The following TTC7B variants were observed in gnomAD, a reference collection of about 807,000 sequenced individuals.
The protein encoded by TTC7B is tetratricopeptide repeat protein 7B.
A neutral mutation model predicts 106.8 loss-of-function variants in TTC7B; 28 were observed. That is an observed-to-expected ratio of 0.26 (90% CI 0.19 to 0.36). The LOEUF (loss-of-function observed/expected upper bound fraction) is 0.36. Among genes scored for constraint, TTC7B ranks in the 10% least tolerant of loss-of-function variants. The pLI is 1.00. For synonymous variants in TTC7B, 405 were observed against 430.6 expected (o/e 0.94, Z 0.74); for missense variants, 862 against 1,076.4 (o/e 0.80, Z 2.79).
At position 90,755,659 on chromosome 14, in the gene TTC7B, TAAAAAAAAC is replaced by T. The variant is rs1380985677; in HGVS notation, c.446-10746_446-10738del. ...GGGCAAAAGGGCAAGACCCTGTCAC[TAAAAAAAAC>T]AAAAAAACAAACAAACAAAAAAAAA... On this transcript the variant is annotated intron_variant, in intron 3 of 19. Coordinates refer to ENST00000328459, the MANE Select transcript of TTC7B (RefSeq NM_001010854.2). Among the ~76,000 whole-genome samples the T allele has an allele frequency of 7.3e-5, 11 of 149,868 alleles. No homozygotes were observed. In the South Asian group the frequency reaches 1.5e-3, roughly 20 times the overall value.
At chr14:90,701,172 G>A (rs942761777) in intron 5 of TTC7B, among the ~76,000 whole-genome samples, 1 of 152,086 alleles carries the variant, frequency 6.6e-6, no homozygotes, top group Non-Finnish European at 1.5e-5. Context: ...AGCCATCCAC[G>A]CCGAGATGAG....
intron 15 of TTC7B, among the ~76,000 whole-genome samples, chr14:90,622,990 T>C (rs940454699): frequency 3.3e-5 from 5 of 152,130 alleles, no homozygotes; most frequent in African/African-American, 1.2e-4. Flanking sequence ...CTCTCCTCCA[T>C]GACCCTGGGT....
rs564326856 is a variant in TTC7B at position 90,659,767 on chromosome 14, G to C, written c.1153-1380C>G. ...CAAAGAAAAGATGGAGATGAGGTAT[G>C]AAGGAAGGATGTGTGGGGTGAAGAA... On this transcript the variant is annotated intron_variant, in intron 9 of 19. Transcript: ENST00000328459. Among the ~76,000 whole-genome samples the C allele has an allele frequency of 7.4e-4, 113 of 152,322 alleles. 1 individual carries two copies. The highest frequency in any genetic ancestry group is 2.7e-3 in the African/African-American group (112 of 41,574).
intron 18 of TTC7B, among the ~76,000 whole-genome samples, chr14:90,588,885 C>A (rs201065673): frequency 2.0e-4 from 19 of 96,422 alleles, no homozygotes; most frequent in Admixed American, 3.0e-4. Flanking sequence ...CAAACAAAAA[C>A]TAAAAAAAAA....
intron 9 of TTC7B, among the ~76,000 whole-genome samples, chr14:90,658,959 AG>A (rs1171218160): frequency 6.6e-6 from 1 of 152,204 alleles, no homozygotes; most frequent in East Asian, 1.9e-4. Context: ...TTAGAGCTTT[AG>A]GAAGATCGTG....
rs1000606711 is a variant in TTC7B at position 90,526,801 on chromosome 14, T to G, written c.*14567A>C. On this transcript the variant is annotated 3_prime_UTR_variant, in exon 20 of 20. Transcript: ENST00000328459. ...TGTTTGCCTCCCCTTCCTCCATGAT[T>G]GTAAGTTTCCTGAGGCCTCTCCAGC... 1 of 152,252 alleles carries G rather than the reference T, an allele frequency of 6.6e-6. No individual in the cohort carries two copies. Among genetic ancestry groups the G allele is most frequent in the Non-Finnish European group, 1.5e-5 (1 of 68,088 alleles). 9.4% of individuals were successfully genotyped at this position (152,252 alleles called of 1,614,324 possible). A position where few individuals can be genotyped will look rare whatever the true frequency, so the allele number is the denominator to read the frequency against.
At chr14:90,549,051 C>A (rs915369160) in intron 19 of TTC7B, among the ~76,000 whole-genome samples, 1 of 151,820 alleles carries the variant, frequency 6.6e-6, no homozygotes, top group African/African-American at 2.4e-5. Context: ...TGGTGTGAAC[C>A]CAGGAGGTGG....
chr14:90,661,332 G>A (rs1274269150), intron 9 of TTC7B, among the ~76,000 whole-genome samples: 1 of 152,238 alleles, frequency 6.6e-6, no homozygotes, highest in Non-Finnish European at 1.5e-5. Context: ...GCTGTACTGA[G>A]GAAGGTGTCA....
intron 15 of TTC7B, among the ~76,000 whole-genome samples, chr14:90,629,539 A>G (rs1288561195): frequency 6.6e-6 from 1 of 152,216 alleles, no homozygotes; most frequent in Admixed American, 6.5e-5. Context: ...TCAAGCATGC[A>G]TTGCACAGAC....
intron 18 of TTC7B, among the ~76,000 whole-genome samples, chr14:90,588,685 G>A (rs1891822199): frequency 6.6e-6 from 1 of 152,098 alleles, no homozygotes; most frequent in Non-Finnish European, 1.5e-5. Flanking sequence ...CTCCCACATT[G>A]TAAAAATGGA....
chr14:90,738,532 G>A (rs557014750), intron 4 of TTC7B, among the ~76,000 whole-genome samples: 194 of 152,132 alleles, frequency 1.3e-3, no homozygotes, highest in African/African-American at 4.4e-3. Flanking sequence ...ACTTGAACCC[G>A]GGAGGCGGAG....
rs566560062 is a variant in TTC7B at position 90,643,917 on chromosome 14, G to A, written c.1751+131C>T. On this transcript the variant is annotated intron_variant, in intron 15 of 19. Coordinates refer to ENST00000328459, the MANE Select transcript of TTC7B (RefSeq NM_001010854.2). ...TTTTTAATATCAGGAAAAAATAACA[G>A]TAAAGGGGATTTTATATTATTGACT... The A allele has an allele frequency of 6.8e-5, 79 of 1,166,042 alleles. No homozygotes were observed. The African/African-American group carries it at 9.5e-4, about 14-fold the overall frequency. 72.2% of individuals were successfully genotyped at this position (1,166,042 alleles called of 1,614,324 possible).
At chr14:90,658,977 T>G (rs1162104567) in intron 9 of TTC7B, among the ~76,000 whole-genome samples, 2 of 152,080 alleles carry the variant, frequency 1.3e-5, no homozygotes, top group African/African-American at 2.4e-5. Context: ...CGTGGGGGAC[T>G]GGGGTGAGTG....
intron 5 of TTC7B, among the ~76,000 whole-genome samples, chr14:90,717,965 G>A (rs116795023): frequency 1.7e-3 from 255 of 152,346 alleles, no homozygotes; most frequent in African/African-American, 5.5e-3. Flanking sequence ...CAGGCTCAGA[G>A]AGGGTGAAAC....
At chr14:90,711,668 C>T (rs774944795) in intron 5 of TTC7B, among the ~76,000 whole-genome samples, 38 of 152,304 alleles carry the variant, frequency 2.5e-4, no homozygotes, top group Middle Eastern at 3.4e-3. Context: ...GTGATCCACC[C>T]GCCTTTGCCC....
chr14:90,564,878 T>C (rs1303730855), intron 19 of TTC7B, among the ~76,000 whole-genome samples: 1 of 152,218 alleles, frequency 6.6e-6, no homozygotes, highest in African/African-American at 2.4e-5. Context: ...GCTGCTGCAC[T>C]CCAGCTTGGG....
intron 18 of TTC7B, among the ~76,000 whole-genome samples, chr14:90,588,879 C>T (rs968751166): frequency 3.4e-5 from 3 of 88,192 alleles, no homozygotes; most frequent in African/African-American, 1.4e-4. Flanking sequence ...AAAAGACAAA[C>T]AAAAACTAAA....
In TTC7B at chr14:90,584,794, G is replaced by A. The variant is rs79008054; in HGVS notation, c.2108-6486C>T. Among the ~76,000 whole-genome samples the A allele has an allele frequency of 3.3e-5, 5 of 152,224 alleles. No homozygotes were observed. The East Asian group carries it at 9.7e-4, about 29-fold the overall frequency. On this transcript the variant is annotated intron_variant, in intron 18 of 19. Coordinates refer to ENST00000328459, the MANE Select transcript of TTC7B (RefSeq NM_001010854.2). ...CCCTGACCCTGCCTCCCTAAAGAGA[G>A]ATGCTGTGGAGGGCAGAGGGGTCCC...
intron 19 of TTC7B, among the ~76,000 whole-genome samples, chr14:90,552,588 C>A (rs1015280070): frequency 3.7e-4 from 56 of 152,194 alleles, no homozygotes; most frequent in African/African-American, 1.4e-3. Flanking sequence ...ACCTCCAGAT[C>A]CACAAAGGCC....
Sources: allele counts gnomAD v4.1 joint callset (sites outside exome capture counted in the v4.1 genomes callset), GRCh38; gene constraint gnomAD v4.1.1; transcripts MANE v1.5; gene names NCBI Gene and HGNC (gene_info 2026-07-23, HGNC 2026-07-21).